The following CPA6 variants were observed in gnomAD, a reference collection of about 807,000 sequenced individuals.
The protein encoded by CPA6 is carboxypeptidase B.
In CPA6, 58 loss-of-function variants were observed where a neutral mutation model predicts 63.3. The ratio of observed to expected loss-of-function variants is 0.92; its 90% CI spans 0.74 to 1.14. CPA6 has a LOEUF of 1.14. Among genes scored for constraint, CPA6 ranks in the 50% most tolerant of loss-of-function variants. The pLI, the probability that CPA6 is intolerant of heterozygous loss-of-function variation, is 0.00. For synonymous variants in CPA6, 185 were observed against 179.0 expected (o/e 1.03, Z -0.27); for missense variants, 565 against 526.6 (o/e 1.07, Z -0.71).
intron 1 of CPA6, among the ~76,000 whole-genome samples, chr8:67,693,780 T>C (rs984377346): frequency 7.9e-5 from 12 of 152,216 alleles, no homozygotes; most frequent in African/African-American, 1.9e-4. Flanking sequence ...TTCTGTTGTT[T>C]AAAGATAGTT....
At chr8:67,529,579 A>C (rs1220856593) in intron 2 of CPA6, among the ~76,000 whole-genome samples, 15 of 152,198 alleles carry the variant, frequency 9.9e-5, no homozygotes, top group Non-Finnish European at 1.2e-4. Context: ...AGAAATTAAA[A>C]CAGAGGGATT....
intron 1 of CPA6, among the ~76,000 whole-genome samples, chr8:67,630,670 C>G (rs964881276): frequency 6.6e-6 from 1 of 152,232 alleles, no homozygotes; most frequent in Non-Finnish European, 1.5e-5. Context: ...GGGAGCCACT[C>G]TTTGGGCTGG....
chr8:67,667,047 C>T (rs1330243803), intron 1 of CPA6, among the ~76,000 whole-genome samples: 2 of 152,024 alleles, frequency 1.3e-5, no homozygotes, highest in African/African-American at 4.8e-5. Context: ...AGAACCTGGC[C>T]CACAGATGTT....
intron 1 of CPA6, among the ~76,000 whole-genome samples, chr8:67,630,110 A>AAATAATAATAATAATAATAATAATAAT (rs61666997): frequency 6.9e-6 from 1 of 144,880 alleles, no homozygotes; most frequent in African/African-American, 2.6e-5. Flanking sequence ...GTCTCAATTA[A>AAATAATAATAATAATAATAATAATAAT]AATAATAATA....
chr8:67,483,898 TA>T, intron 7 of CPA6, 40 bp from the exon 8 acceptor site: 1 of 1,498,520 alleles, frequency 6.7e-7, no homozygotes. Flanking sequence ...GAAAAATACT[TA>T]AAAGGTTATT....
intron 1 of CPA6, among the ~76,000 whole-genome samples, chr8:67,706,852 T>C (rs1817146262): frequency 6.6e-6 from 1 of 152,204 alleles, no homozygotes; most frequent in Non-Finnish European, 1.5e-5. Flanking sequence ...GGGTCTGACA[T>C]CAATAGTACA....
chr8:67,475,781 CTTTCTTTCTTTCTTTCTTTCTTT>C (rs1563967265), intron 8 of CPA6, among the ~76,000 whole-genome samples: 24 of 56,754 alleles, frequency 4.2e-4, no homozygotes, highest in African/African-American at 6.0e-4. Flanking sequence ...TTCTTTCTTT[CTTTCTTTCTTTCTTTCTTTCTTT>C]CTTTCTTTCT....
intron 1 of CPA6, among the ~76,000 whole-genome samples, chr8:67,726,097 G>A (rs1296665795): frequency 1.3e-5 from 2 of 152,102 alleles, no homozygotes; most frequent in African/African-American, 4.8e-5. Flanking sequence ...ACTCATGAGA[G>A]CAAGACAGAG....
chr8:67,477,097 T>A (rs1811257030), intron 8 of CPA6, among the ~76,000 whole-genome samples: 2 of 151,996 alleles, frequency 1.3e-5, no homozygotes, highest in Non-Finnish European at 2.9e-5. Flanking sequence ...GAGACCATCC[T>A]GGCTAACACG....
chr8:67,649,545 ATTCT>A (rs1182925311), intron 1 of CPA6, among the ~76,000 whole-genome samples: 3 of 152,234 alleles, frequency 2.0e-5, no homozygotes, highest in Middle Eastern at 6.8e-3. Flanking sequence ...AGTATATTTG[ATTCT>A]TTCTATTTTT....
intron 6 of CPA6, among the ~76,000 whole-genome samples, chr8:67,491,241 T>TC (rs1554667836): frequency 6.6e-6 from 1 of 151,136 alleles, no homozygotes; most frequent in African/African-American, 2.4e-5. Flanking sequence ...TTTTTTTTTT[T>TC]TCAAAGGGGA....
intron 8 of CPA6, among the ~76,000 whole-genome samples, chr8:67,453,641 A>C (rs1006567609): frequency 1.8e-4 from 28 of 152,314 alleles, no homozygotes; most frequent in Non-Finnish European, 2.6e-4. Context: ...GGGCAGTCCA[A>C]CATTAAGAGT....
At chr8:67,498,844 G>A (rs1012352948) in intron 6 of CPA6, among the ~76,000 whole-genome samples, 5 of 152,148 alleles carry the variant, frequency 3.3e-5, no homozygotes, top group Non-Finnish European at 7.3e-5. Flanking sequence ...TGTGCTATGT[G>A]AATATTAGGA....
At chr8:67,584,756 C>A (rs996936573) in intron 2 of CPA6, among the ~76,000 whole-genome samples, 1 of 151,992 alleles carries the variant, frequency 6.6e-6, no homozygotes, top group Non-Finnish European at 1.5e-5. Context: ...CCTGCTGCTG[C>A]CAAGAGAAGG....
intron 2 of CPA6, among the ~76,000 whole-genome samples, chr8:67,522,830 G>T (rs138446178): frequency 1.3e-5 from 2 of 152,356 alleles, no homozygotes; most frequent in East Asian, 1.9e-4. Context: ...GTGGGCAGGC[G>T]TGGGATCCAG....
At chr8:67,453,568 A>G (rs1184006374) in intron 8 of CPA6, among the ~76,000 whole-genome samples, 5 of 152,164 alleles carry the variant, frequency 3.3e-5, no homozygotes, top group Non-Finnish European at 1.5e-5. Context: ...ACAGTAGAGA[A>G]TGATGACATG....
intron 1 of CPA6, among the ~76,000 whole-genome samples, chr8:67,659,024 C>T (rs1219031429): frequency 6.6e-6 from 1 of 152,216 alleles, no homozygotes; most frequent in African/African-American, 2.4e-5. Context: ...GGCACCCTAT[C>T]TCTTTTGATT....
rs55739926 is a variant in CPA6 at position 67,468,581 on chromosome 8, A to AAAAATAAAATAAAATAAAAT, written c.838+15167_838+15186dup. 2.5e-3 allele frequency among the ~76,000 whole-genome samples: 350 copies of AAAAATAAAATAAAATAAAAT among 138,714 alleles called. 4 individuals carry two copies. The highest frequency in any genetic ancestry group is 7.8e-3 in the African/African-American group (286 of 36,434). 91.0% of individuals were successfully genotyped at this position (138,714 alleles called of 152,430 possible). A position where few individuals can be genotyped will look rare whatever the true frequency, so the allele number is the denominator to read the frequency against. On this transcript the variant is annotated intron_variant, in intron 8 of 10. Transcript: ENST00000297770. Reference sequence around the variant, plus strand: ...GGCGACAAGAGCGAGACTCTGTCTCAAAAATAAAATAAAATAAAATAAAAT... The same window carrying AAAAATAAAATAAAATAAAAT: ...GGCGACAAGAGCGAGACTCTGTCTCAAAAATAAAATAAAATAAAATAAAATAAAATAAAATAAAATAAAAT...
intron 1 of CPA6, among the ~76,000 whole-genome samples, chr8:67,629,321 T>C (rs1280140450): frequency 6.7e-6 from 1 of 150,044 alleles, no homozygotes; most frequent in African/African-American, 2.5e-5. Flanking sequence ...AATAAATAAA[T>C]AAATAAATAA....
Sources: allele counts gnomAD v4.1 joint callset (sites outside exome capture counted in the v4.1 genomes callset), GRCh38; gene constraint gnomAD v4.1.1; transcripts MANE v1.5; gene names NCBI Gene and HGNC (gene_info 2026-07-23, HGNC 2026-07-21).